The following SEPTIN9 variants were observed in gnomAD, a reference collection of about 807,000 sequenced individuals.
SEPTIN9 encodes septin 9.
SEPTIN9 carries 13 observed loss-of-function variants against 56.6 expected under a neutral mutation model. That is an observed-to-expected ratio of 0.23 (90% CI 0.15 to 0.37). The LOEUF (loss-of-function observed/expected upper bound fraction) is 0.37, where lower values mean the gene tolerates loss of function less well. Ranked by LOEUF, SEPTIN9 falls within the 10% of genes least tolerant of loss-of-function variation. The probability of loss-of-function intolerance (pLI) is 1.00; values close to 1 mark genes in which losing one functional copy is unlikely to be tolerated. For missense variants in SEPTIN9, 650 were observed against 823.1 expected, an observed-to-expected ratio of 0.79 and a Z score of 2.57; for synonymous variants, 332 against 334.1, an observed-to-expected ratio of 0.99 and a Z score of 0.07.
chr17:77,492,538 G>T lies in SEPTIN9; in HGVS notation c.1381-83G>T, dbSNP rs541707814. 2,628 of 1,242,858 alleles carry T rather than the reference G, an allele frequency of 2.1e-3. 27 individuals carry two copies. The highest frequency in any genetic ancestry group is 0.013 in the South Asian group (1,076 of 83,640). 77.0% of individuals were successfully genotyped at this position (1,242,858 alleles called of 1,614,324 possible). A position where few individuals can be genotyped will look rare whatever the true frequency, so the allele number is the denominator to read the frequency against. ...GAACCCGAGCCTGGGGCAGCACACA[G>T]TGTGGAGGTCATGTGGCAAACACCA... is the stretch of plus-strand genomic sequence containing the variant. On this transcript the variant is annotated intron_variant, in intron 8 of 11. Transcript: ENST00000427177. This position sits in a 1 kb window ranked among gnomAD's most constrained non-coding sequence, Gnocchi z 5.4.
intron 3 of SEPTIN9, among the ~76,000 whole-genome samples, chr17:77,472,252 C>G (rs1177876402): frequency 1.3e-5 from 2 of 152,200 alleles, no homozygotes; most frequent in African/African-American, 4.8e-5. Context: ...ACTTTACCGA[C>G]TGGGGCCAAT....
chr17:77,401,582 C>A (rs1239658585), intron 2 of SEPTIN9, among the ~76,000 whole-genome samples: 1 of 152,042 alleles, frequency 6.6e-6, no homozygotes, highest in Non-Finnish European at 1.5e-5. Flanking sequence ...CCCATCTCTA[C>A]TAAAAATACA....
At chr17:77,403,375 A>T (rs902974407) in intron 3 of SEPTIN9, among the ~76,000 whole-genome samples, 2 of 152,218 alleles carry the variant, frequency 1.3e-5, no homozygotes, top group Non-Finnish European at 1.5e-5. Context: ...ATAGCTGCAC[A>T]CGGTTTTATT....
chr17:77,415,510 G>A lies in SEPTIN9; in HGVS notation c.721+12807G>A, dbSNP rs140303872. On this transcript the variant is annotated intron_variant, in intron 3 of 11. Transcript: ENST00000427177. ...TAGTCCCAGCTACTCGGTAGGCTGA[G>A]GCAGGAGAATCTGCTTGATTCCAGG... Among the ~76,000 whole-genome samples, 27 of 152,120 alleles carry A rather than the reference G, an allele frequency of 1.8e-4. No homozygotes were observed. The East Asian group carries it at 4.6e-3, about 26-fold the overall frequency.
chr17:77,311,495 C>G (rs1352441754), intron 2 of SEPTIN9, among the ~76,000 whole-genome samples: 1 of 152,194 alleles, frequency 6.6e-6, no homozygotes, highest in Non-Finnish European at 1.5e-5. Flanking sequence ...AAAAAGGGCC[C>G]TGTGGGGGCA....
chr17:77,457,434 G>C (rs2038258179), intron 3 of SEPTIN9, among the ~76,000 whole-genome samples: 1 of 152,208 alleles, frequency 6.6e-6, no homozygotes, highest in African/African-American at 2.4e-5. Context: ...GGGTCAGATA[G>C]GGGAACCCAG....
intron 2 of SEPTIN9, among the ~76,000 whole-genome samples, chr17:77,354,005 A>G (rs1187554119): frequency 6.6e-6 from 1 of 152,110 alleles, no homozygotes; most frequent in Non-Finnish European, 1.5e-5. Context: ...TCCCTAGAAC[A>G]AGGCTCCAGC....
At position 77,434,251 on chromosome 17, in the gene SEPTIN9, G is replaced by GCCCAGC. The variant is rs896789055; in HGVS notation, c.721+31558_721+31563dup. Among the ~76,000 whole-genome samples the GCCCAGC allele has an allele frequency of 4.5e-4, 68 of 152,154 alleles. 1 individual carries two copies. The highest frequency in any genetic ancestry group is 1.6e-3 in the African/African-American group (66 of 41,528). On this transcript the variant is annotated intron_variant, in intron 3 of 11. Transcript: ENST00000427177. This position sits in a 1 kb window ranked among gnomAD's most constrained non-coding sequence, Gnocchi z 5.0. ...GGACTGGCTGGGGTTCTGGCTCCAGGCCCAGCCCCAGCCCCTGTCAGACTT... is the reference window on the plus strand; with the variant it reads ...GGACTGGCTGGGGTTCTGGCTCCAGGCCCAGCCCCAGCCCCAGCCCCTGTCAGACTT...
chr17:77,471,267 TG>T (rs1174204948), intron 3 of SEPTIN9, among the ~76,000 whole-genome samples: 5 of 152,206 alleles, frequency 3.3e-5, no homozygotes, highest in African/African-American at 1.2e-4. Flanking sequence ...TGCCCCTCCC[TG>T]CCTGTCCCCT....
rs71160222 is a variant in SEPTIN9 at position 77,290,814 on chromosome 17, CATAAATAA to C, written c.19+9287_19+9294del. ...TGGGCGACAGAGTGAGACCCTGTCT[CATAAATAA>C]ATAAATAAATAAATAAATAAATAAA... On this transcript the variant is annotated intron_variant, in intron 1 of 11. Coordinates refer to ENST00000427177, the MANE Select transcript of SEPTIN9 (RefSeq NM_001113491.2). Among the ~76,000 whole-genome samples the C allele has an allele frequency of 7.9e-3, 1,121 of 141,468 alleles. 16 individuals carry two copies. The highest frequency in any genetic ancestry group is 0.028 in the African/African-American group (1,038 of 37,516). The allele number at this position is 141,468 out of a possible 152,430, so 92.8% of individuals were successfully genotyped here. A position where few individuals can be genotyped will look rare whatever the true frequency, so the allele number is the denominator to read the frequency against.
intron 2 of SEPTIN9, among the ~76,000 whole-genome samples, chr17:77,356,453 T>C (rs1181677384): frequency 1.3e-5 from 2 of 151,514 alleles, no homozygotes; most frequent in Non-Finnish European, 2.9e-5. Context: ...TGGGCAGCTC[T>C]TTCTCACTCT....
At chr17:77,372,128 G>C (rs759043165) in intron 2 of SEPTIN9, among the ~76,000 whole-genome samples, 1 of 152,190 alleles carries the variant, frequency 6.6e-6, no homozygotes, top group Non-Finnish European at 1.5e-5. Flanking sequence ...CTGCTGCTTC[G>C]GGGGTGGGGG....
At chr17:77,287,489 C>T (rs2143494021) in intron 1 of SEPTIN9, among the ~76,000 whole-genome samples, 1 of 152,352 alleles carries the variant, frequency 6.6e-6, no homozygotes, top group African/African-American at 2.4e-5. Flanking sequence ...GAAGCGTCTG[C>T]CGGGCGCTGC....
intron 2 of SEPTIN9, among the ~76,000 whole-genome samples, chr17:77,388,810 C>CTTTTTTTTT (rs5822196): frequency 1.4e-4 from 11 of 78,048 alleles, no homozygotes; most frequent in Non-Finnish European, 2.0e-4. Flanking sequence ...GTGTTAGGCG[C>CTTTTTTTTT]TTTTTTTTTT....
intron 2 of SEPTIN9, among the ~76,000 whole-genome samples, chr17:77,383,343 G>C (rs1214599572): frequency 3.3e-5 from 5 of 152,060 alleles, no homozygotes; most frequent in Admixed American, 2.6e-4. Flanking sequence ...GCCAGGCCCT[G>C]GGCTGGTACT....
In SEPTIN9 at chr17:77,429,687, G is replaced by C. The variant is rs962044835; in HGVS notation, c.721+26984G>C. Among the ~76,000 whole-genome samples, 1 of 152,128 alleles carries C rather than the reference G, an allele frequency of 6.6e-6. No individual in the cohort carries two copies. The highest frequency in any genetic ancestry group is 1.5e-5 in the Non-Finnish European group (1 of 68,010). On this transcript the variant is annotated intron_variant, in intron 3 of 11. Transcript: ENST00000427177. This position sits in a 1 kb window ranked among gnomAD's most constrained non-coding sequence, Gnocchi z 5.2. ...GCTGGGCAGGAGCTGGCCAGTAATA[G>C]GCTGACGAGGGAGGCCCTGCTGGCT...
At chr17:77,355,458 C>T (rs2034198416) in intron 2 of SEPTIN9, among the ~76,000 whole-genome samples, 1 of 152,340 alleles carries the variant, frequency 6.6e-6, no homozygotes, top group South Asian at 2.1e-4. Context: ...AGATTCTGCC[C>T]CTGCACATTA....
At chr17:77,342,556 C>A (rs918674234) in intron 2 of SEPTIN9, among the ~76,000 whole-genome samples, 5 of 152,166 alleles carry the variant, frequency 3.3e-5, no homozygotes, top group African/African-American at 1.2e-4. Flanking sequence ...AGGGCCCAGT[C>A]AGGAAACAAA....
In SEPTIN9 at chr17:77,291,100, A is replaced by G. The variant is rs532615223; in HGVS notation, c.19+9546A>G. ...GCCCAGGCTGGAGTGCCGTGGTGCA[A>G]TCTCGGCTCACTGCAACCCCCGGCT... On this transcript the variant is annotated intron_variant, in intron 1 of 11. Transcript: ENST00000427177. Among the ~76,000 whole-genome samples the G allele has an allele frequency of 7.8e-5, 11 of 141,408 alleles. No individual in the cohort carries two copies. The East Asian group carries it at 8.9e-4, about 11-fold the overall frequency. 92.8% of individuals were successfully genotyped at this position (141,408 alleles called of 152,430 possible).
Sources: gnomAD v4.1 joint callset for allele counts (sites outside exome capture counted in the v4.1 genomes callset) on GRCh38, gnomAD v4.1.1 for gene constraint, Gnocchi (gnomAD v3.1) non-coding constraint, MANE v1.5 for transcripts, NCBI Gene and HGNC (gene_info 2026-07-23, HGNC 2026-07-21) for gene names.